Variants in PCNX1 observed in about 807,000 individuals in gnomAD.
The protein encoded by PCNX1 is pecanex-like protein 1.
Under a neutral mutation model 242.2 loss-of-function variants are expected in PCNX1, and 78 were observed. That is an observed-to-expected ratio of 0.32 (90% confidence interval 0.27 to 0.39). The LOEUF is 0.39. Among genes scored for constraint, PCNX1 ranks in the 10% least tolerant of loss-of-function variants. PCNX1 has a pLI of 1.00. For missense variants in PCNX1, 2,581 were observed against 2,856.5 expected (o/e 0.90, Z 2.20); for synonymous variants, 1,024 against 1,032.9 (o/e 0.99, Z 0.17).
chr14:71,023,076 A>G (rs2060147951), intron 12 of PCNX1, 124 bp from the exon 13 acceptor site: 1 of 729,920 alleles, frequency 1.4e-6, no homozygotes, highest in African/African-American at 1.7e-5. Flanking sequence ...CAGAATTATT[A>G]ATATAGGTCA....
chr14:71,033,373 A>G (rs1018510010), intron 16 of PCNX1, 56 bp from the exon 17 acceptor site: 59 of 869,558 alleles, frequency 6.8e-5, no homozygotes, highest in Non-Finnish European at 1.0e-4. Context: ...TAAAAGGATT[A>G]TGTGATATAT....
intron 7 of PCNX1, among the ~76,000 whole-genome samples, chr14:70,991,861 T>G (rs2059175576): frequency 6.6e-6 from 1 of 152,202 alleles, no homozygotes; most frequent in African/African-American, 2.4e-5. Context: ...GGCAACACTT[T>G]CATTACAAGT....
chr14:70,994,370 T>A (rs899475980), intron 7 of PCNX1, among the ~76,000 whole-genome samples: 3 of 139,336 alleles, frequency 2.2e-5, no homozygotes, highest in Non-Finnish European at 4.6e-5. Context: ...CCAGAATATA[T>A]TCTATTATCA....
intron 24 of PCNX1, among the ~76,000 whole-genome samples, chr14:71,052,906 T>C (rs761520635): frequency 1.8e-4 from 27 of 152,216 alleles, no homozygotes; most frequent in Admixed American, 2.6e-4. Flanking sequence ...TTAGGAGTTA[T>C]GAGTTATGGA....
At chr14:70,949,436 T>G (rs558936985) in intron 2 of PCNX1, among the ~76,000 whole-genome samples, 1 of 151,708 alleles carries the variant, frequency 6.6e-6, no homozygotes, top group Admixed American at 6.6e-5. Context: ...CACGTATATA[T>G]GTGTATATAT....
At chr14:70,953,733 A>G (rs2057885018) in intron 2 of PCNX1, among the ~76,000 whole-genome samples, 1 of 145,782 alleles carries the variant, frequency 6.9e-6, no homozygotes, top group East Asian at 2.0e-4. Context: ...GCAGTGGCAC[A>G]GTCTCAGCTC....
intron 22 of PCNX1, 40 bp from the exon 23 acceptor site, chr14:71,050,610 GTT>G (rs538845223): frequency 7.9e-4 from 1,021 of 1,288,928 alleles, no homozygotes; most frequent in South Asian, 1.5e-3. Flanking sequence ...TATCTGATAA[GTT>G]TTTTTTTTTT....
Position 71,105,326 on chromosome 14 carries a change from G to A in PCNX1, c.6187G>A (p.Ala2063Thr). 1 of 1,614,012 alleles carries A rather than the reference G, an allele frequency of 6.2e-7. No individual in the cohort carries two copies. Among genetic ancestry groups the A allele is most frequent in the Non-Finnish European group, 8.5e-7 (1 of 1,179,934 alleles). Residue 2063 changes from alanine to threonine, a missense_variant, in exon 33 of 36, where the codon GCA (alanine) becomes ACA (threonine). Physicochemically the swap from Ala to Thr is moderately conservative, Grantham distance 58. Around this residue, in one of 9 missense-constraint regions of PCNX1, gnomAD observed 432 missense variants for 433.6 expected, o/e 1.00. Coordinates refer to ENST00000304743, the MANE Select transcript of PCNX1 (RefSeq NM_014982.3). The part of the protein sequence containing the change: ...GGGTSCTGNN[A>T]TTANNPHSNV... ...TGGGACTTCCTGCACTGGTAACAAT[G>A]CAACAACTGCCAACAATCCCCACAG... is the stretch of plus-strand genomic sequence containing the variant.
At chr14:70,943,709 C>T (rs893792069) in intron 1 of PCNX1, among the ~76,000 whole-genome samples, 8 of 152,268 alleles carry the variant, frequency 5.3e-5, no homozygotes, top group Non-Finnish European at 7.4e-5. Context: ...ATGTCTCCAG[C>T]GCATGTCAGA....
At chr14:70,913,879 G>GT (rs1274051440) in intron 1 of PCNX1, among the ~76,000 whole-genome samples, 1 of 152,138 alleles carries the variant, frequency 6.6e-6, no homozygotes, top group Admixed American at 6.6e-5. Flanking sequence ...TGATTTTTAA[G>GT]TATTATTTTC....
chr14:71,103,302 A>G, intron 31 of PCNX1, 93 bp from the exon 32 acceptor site: 1 of 1,354,158 alleles, frequency 7.4e-7, no homozygotes, highest in African/African-American at 1.4e-5. Flanking sequence ...GGTTATCATA[A>G]TATCTTTTGT....
At chr14:70,933,391 C>G (rs1026749206) in intron 1 of PCNX1, among the ~76,000 whole-genome samples, 1 of 152,034 alleles carries the variant, frequency 6.6e-6, no homozygotes. Flanking sequence ...TTTTTGTATG[C>G]CCCATGAGCT....
Position 70,995,651 on chromosome 14 carries a change from T to C in PCNX1, c.2445-90T>C, listed in dbSNP as rs1403387649. On this transcript the variant is annotated intron_variant, in intron 7 of 35. Coordinates refer to ENST00000304743, the MANE Select transcript of PCNX1 (RefSeq NM_014982.3). Reference sequence around the variant, plus strand: ...GGTTATGTTGAAAAAAAGTGCCTTTTTGAAATCAGTTTTCTATGTTGACTT... The same window carrying C: ...GGTTATGTTGAAAAAAAGTGCCTTTCTGAAATCAGTTTTCTATGTTGACTT... 2.5e-6 allele frequency: 3 copies of C among 1,217,162 alleles called. No homozygotes were observed. The African/African-American group carries it at 4.6e-5, about 19-fold the overall frequency. 75.4% of individuals were successfully genotyped at this position (1,217,162 alleles called of 1,614,324 possible). A position where few individuals can be genotyped will look rare whatever the true frequency, so the allele number is the denominator to read the frequency against.
rs988726087 is a variant in PCNX1 at position 71,113,097 on chromosome 14, A to C, written c.*3162A>C. Reference sequence around the variant, plus strand: ...TTTTCCAAGAATCTAGATTAACATAAGATGTTGATATTTAAGGAACTTGGA... The same window carrying C: ...TTTTCCAAGAATCTAGATTAACATACGATGTTGATATTTAAGGAACTTGGA... On this transcript the variant is annotated 3_prime_UTR_variant, in exon 36 of 36. Coordinates refer to ENST00000304743, the MANE Select transcript of PCNX1 (RefSeq NM_014982.3). The C allele has an allele frequency of 6.6e-6, 1 of 152,196 alleles. No homozygotes were observed. The highest frequency in any genetic ancestry group is 2.4e-5 in the African/African-American group (1 of 41,466). 9.4% of individuals were successfully genotyped at this position (152,196 alleles called of 1,614,324 possible).
At chr14:71,014,398 G>A (rs76278627) in intron 11 of PCNX1, among the ~76,000 whole-genome samples, 38 of 152,248 alleles carry the variant, frequency 2.5e-4, no homozygotes, top group East Asian at 5.8e-4. Context: ...GTGAGAAAAC[G>A]ACCTCTAACA....
chr14:70,927,130 A>T (rs1414155827), intron 1 of PCNX1, among the ~76,000 whole-genome samples: 2 of 152,186 alleles, frequency 1.3e-5, no homozygotes, highest in African/African-American at 4.8e-5. Flanking sequence ...TAAAACACTA[A>T]ATTTGTCATT....
intron 26 of PCNX1, among the ~76,000 whole-genome samples, chr14:71,064,673 G>A (rs1328644718): frequency 3.3e-5 from 5 of 152,078 alleles, no homozygotes; most frequent in Non-Finnish European, 7.4e-5. Flanking sequence ...AAACATGCAG[G>A]TTTGTTACAT....
chr14:71,051,255 T>G (rs1422209732), intron 23 of PCNX1, among the ~76,000 whole-genome samples: 3 of 151,216 alleles, frequency 2.0e-5, no homozygotes, highest in African/African-American at 7.3e-5. Flanking sequence ...TATTAACATC[T>G]GTGGCCCACA....
intron 28 of PCNX1, among the ~76,000 whole-genome samples, chr14:71,076,886 G>A (rs1302879902): frequency 6.6e-6 from 1 of 152,176 alleles, no homozygotes; most frequent in Non-Finnish European, 1.5e-5. Context: ...ATGAAATGTG[G>A]CTAGTACAAC....
Sources: allele counts gnomAD v4.1 joint callset (sites outside exome capture counted in the v4.1 genomes callset), GRCh38; gene constraint gnomAD v4.1.1; regional missense constraint gnomAD v4.1.1; transcripts MANE v1.5; gene names NCBI Gene and HGNC (gene_info 2026-07-23, HGNC 2026-07-21).